ALG9: variants seen among roughly 807,000 people sequenced by gnomAD.
ALG9 encodes the protein ALG9 alpha-1,2-mannosyltransferase, also known as alpha-1,2-mannosyltransferase ALG9.
ALG9 carries 55 observed loss-of-function variants against 81.8 expected under a neutral mutation model. The observed-to-expected ratio is 0.67, with a 90% CI of 0.54 to 0.84. The LOEUF (loss-of-function observed/expected upper bound fraction) is 0.84. ALG9 is among the 40% of genes least tolerant of loss of function. The pLI is 0.00. For synonymous variants in ALG9, 278 were observed against 274.3 expected, an observed-to-expected ratio of 1.01 and a Z score of -0.13; for missense variants, 629 against 745.0, an observed-to-expected ratio of 0.84 and a Z score of 1.81.
intron 13 of ALG9, among the ~76,000 whole-genome samples, chr11:111,834,391 G>A (rs1954881373): frequency 6.6e-6 from 1 of 152,042 alleles, no homozygotes; most frequent in Non-Finnish European, 1.5e-5. Flanking sequence ...GAAGGAAGGG[G>A]AGAGATTGGG....
At chr11:111,800,400 G>C (rs1555079457) in intron 14 of ALG9, among the ~76,000 whole-genome samples, 1 of 152,050 alleles carries the variant, frequency 6.6e-6, no homozygotes. Flanking sequence ...AGAATCACTT[G>C]AACCCAGGAG....
chr11:111,835,843 G>A (rs1057296822), intron 13 of ALG9, among the ~76,000 whole-genome samples: 11 of 151,998 alleles, frequency 7.2e-5, no homozygotes, highest in African/African-American at 1.9e-4. Context: ...CTTGAACTCC[G>A]AGGCTCAAGT....
intron 14 of ALG9, among the ~76,000 whole-genome samples, chr11:111,791,352 A>G (rs1555070273): frequency 6.6e-6 from 1 of 152,240 alleles, no homozygotes; most frequent in Non-Finnish European, 1.5e-5. Flanking sequence ...GCGGGAGGTC[A>G]AATGCTGAGG....
chr11:111,847,555 G>T (rs1307956507), intron 8 of ALG9, among the ~76,000 whole-genome samples: 4 of 152,130 alleles, frequency 2.6e-5, no homozygotes, highest in Non-Finnish European at 5.9e-5. Flanking sequence ...AAAAATACTT[G>T]CCAGCATCAA....
At chr11:111,834,286 T>G (rs1348077624) in intron 13 of ALG9, among the ~76,000 whole-genome samples, 1 of 152,152 alleles carries the variant, frequency 6.6e-6, no homozygotes, top group African/African-American at 2.4e-5. Flanking sequence ...AGTTCAGGCA[T>G]AGTCACCAAT....
chr11:111,835,144 A>G (rs1555116321), intron 13 of ALG9, among the ~76,000 whole-genome samples: 2 of 152,252 alleles, frequency 1.3e-5, no homozygotes, highest in African/African-American at 2.4e-5. Flanking sequence ...AGCATATGAC[A>G]TAAGAAAATG....
intron 14 of ALG9, among the ~76,000 whole-genome samples, chr11:111,803,303 A>G (rs1175375987): frequency 2.0e-5 from 3 of 152,024 alleles, no homozygotes; most frequent in African/African-American, 7.2e-5. Flanking sequence ...GGAGTTCGAG[A>G]CCAGCCTGGC....
chr11:111,812,981 A>G lies in ALG9; in HGVS notation c.1603-3208T>C, dbSNP rs147182656. On this transcript the variant is annotated intron_variant, in intron 13 of 14. Coordinates refer to ENST00000616540, the MANE Select transcript of ALG9 (RefSeq NM_024740.2). ...GATCAACAGACCAATGAAATAGAAC[A>G]AAGAGCCTAGATCAGATGCAGGTAC... is the stretch of plus-strand genomic sequence containing the variant. Among the ~76,000 whole-genome samples, 19 of 152,118 alleles carry G rather than the reference A, an allele frequency of 1.2e-4. 1 individual carries two copies. Among genetic ancestry groups the G allele is most frequent in the African/African-American group, 4.6e-4 (19 of 41,492 alleles).
intron 13 of ALG9, among the ~76,000 whole-genome samples, chr11:111,819,551 GAA>G (rs1952002456): frequency 6.6e-6 from 1 of 152,202 alleles, no homozygotes; most frequent in Non-Finnish European, 1.5e-5. Context: ...GATTAAAGCT[GAA>G]AAAACTGTTT....
At chr11:111,840,115 A>G (rs975418121) in intron 10 of ALG9, among the ~76,000 whole-genome samples, 5 of 152,230 alleles carry the variant, frequency 3.3e-5, no homozygotes, top group African/African-American at 1.2e-4. Flanking sequence ...ACCTGTTAAG[A>G]AAAAAACCTA....
chr11:111,815,346 A>G (rs371142434), intron 13 of ALG9, among the ~76,000 whole-genome samples: 3 of 152,144 alleles, frequency 2.0e-5, no homozygotes, highest in Non-Finnish European at 4.4e-5. Context: ...TCGAGGCTAC[A>G]GTGAGCTGAT....
intron 13 of ALG9, among the ~76,000 whole-genome samples, chr11:111,816,041 A>G (rs1951421495): frequency 6.6e-6 from 1 of 152,226 alleles, no homozygotes; most frequent in Non-Finnish European, 1.5e-5. Flanking sequence ...CCACCAAATG[A>G]TATCAAAATA....
chr11:111,794,629 C>T (rs144091817), intron 14 of ALG9, among the ~76,000 whole-genome samples: 1 of 152,158 alleles, frequency 6.6e-6, no homozygotes, highest in East Asian at 1.9e-4. Flanking sequence ...TTCTCCTCTC[C>T]TCTCTTTCTG....
intron 13 of ALG9, chr11:111,817,192 T>C (rs1951618280): frequency 6.6e-6 from 1 of 152,174 alleles, no homozygotes; most frequent in African/African-American, 2.4e-5. Flanking sequence ...AGGAATCTAT[T>C]CTAGGTTTTT....
At chr11:111,790,827 G>A (rs1947284966) in intron 14 of ALG9, among the ~76,000 whole-genome samples, 1 of 152,216 alleles carries the variant, frequency 6.6e-6, no homozygotes, top group South Asian at 2.1e-4. Flanking sequence ...AAACACTGAT[G>A]AGGAATCAGG....
intron 14 of ALG9, among the ~76,000 whole-genome samples, chr11:111,801,310 T>C (rs1215405634): frequency 2.0e-5 from 3 of 152,190 alleles, no homozygotes; most frequent in African/African-American, 7.2e-5. Context: ...GTCAGCAACA[T>C]CATATGTCAT....
At chr11:111,871,082 A>G (rs1353057446) in intron 1 of ALG9, 30 of 1,198,734 alleles carry the variant, frequency 2.5e-5, no homozygotes, top group Non-Finnish European at 1.0e-6. Context: ...TCTCCCACAG[A>G]GGCTGTGCCC....
chr11:111,776,262 A>G, the ALG9 span, among the ~76,000 whole-genome samples: 1 of 152,148 alleles, frequency 6.6e-6, no homozygotes, highest in Non-Finnish European at 1.5e-5. Flanking sequence ...TCCTCCACAG[A>G]GCAAATCTGA....
the ALG9 span, chr11:111,769,602 G>A: frequency 6.7e-6 from 1 of 148,414 alleles, no homozygotes. Flanking sequence ...AGGTGACAGA[G>A]TGAGACCCTG....
Sources: allele counts gnomAD v4.1 joint callset (sites outside exome capture counted in the v4.1 genomes callset), GRCh38; gene constraint gnomAD v4.1.1; transcripts MANE v1.5; gene names NCBI Gene and HGNC (gene_info 2026-07-23, HGNC 2026-07-21).